Variants in MAP4K5 observed in about 807,000 individuals in gnomAD.
The protein encoded by MAP4K5 is mitogen-activated protein kinase kinase kinase kinase 5.
Under a neutral mutation model 135.6 loss-of-function variants are expected in MAP4K5, and 82 were observed. The ratio of observed to expected loss-of-function variants is 0.60; its 90% CI spans 0.51 to 0.73. MAP4K5 has a LOEUF of 0.73. Among genes scored for constraint, MAP4K5 ranks in the 30% least tolerant of loss-of-function variants. MAP4K5 has a pLI of 0.00. For missense variants in MAP4K5, 907 were observed against 1,010.9 expected, an observed-to-expected ratio of 0.90 and a Z score of 1.39; for synonymous variants, 347 against 335.0, an observed-to-expected ratio of 1.04 and a Z score of -0.39.
chr14:50,529,778 G>T (rs1015226072), intron 2 of MAP4K5, among the ~76,000 whole-genome samples: 1 of 152,116 alleles, frequency 6.6e-6, no homozygotes, highest in Non-Finnish European at 1.5e-5. Context: ...GAGACATTAC[G>T]AAGAGAGGAA....
intron 3 of MAP4K5, among the ~76,000 whole-genome samples, chr14:50,497,791 T>A (rs1277542064): frequency 6.6e-6 from 1 of 152,162 alleles, no homozygotes; most frequent in Non-Finnish European, 1.5e-5. Context: ...TATTAAAAAA[T>A]ACTAAACTAT....
In MAP4K5 at chr14:50,485,586, A is replaced by G. The variant is rs1454515327; in HGVS notation, c.314T>C (p.Ile105Thr). The G allele has an allele frequency of 7.8e-6, 12 of 1,544,044 alleles. No individual in the cohort carries two copies. The highest frequency in any genetic ancestry group is 8.8e-6 in the Non-Finnish European group (10 of 1,138,826). ...EYCGGGSLQDIYHVTGPLSEL... is the reference protein window; with the variant it reads ...EYCGGGSLQDTYHVTGPLSEL... Reference sequence around the variant, plus strand: ...AGTCAAATTAACAGTACCATGGTAAATATCTTGAAGTGATCCGCCACCACA... The same window carrying G: ...AGTCAAATTAACAGTACCATGGTAAGTATCTTGAAGTGATCCGCCACCACA... Residue 105 changes from isoleucine (I) to threonine (T), a missense_variant, in exon 5 of 33, where the codon ATT (isoleucine) becomes ACT (threonine). By Grantham distance (89) the Ile-to-Thr change is moderately conservative. Around this residue, in one of 3 missense-constraint regions of MAP4K5, gnomAD observed 196 missense variants for 189.3 expected, o/e 1.04. Coordinates refer to ENST00000682126, the MANE Select transcript of MAP4K5 (RefSeq NM_006575.6).
At chr14:50,506,335 A>C (rs2037809300) in intron 2 of MAP4K5, among the ~76,000 whole-genome samples, 1 of 152,098 alleles carries the variant, frequency 6.6e-6, no homozygotes, top group Non-Finnish European at 1.5e-5. Context: ...AAACAGAAAG[A>C]AAAATAATTT....
At chr14:50,551,693 A>T (rs575318445) in intron 1 of MAP4K5, among the ~76,000 whole-genome samples, 1 of 152,256 alleles carries the variant, frequency 6.6e-6, no homozygotes, top group Non-Finnish European at 1.5e-5. Flanking sequence ...AGTGGATTTC[A>T]TACCAGGGAT....
Position 50,444,039 on chromosome 14 carries a change from A to G in MAP4K5, c.1340-3T>C, listed in dbSNP as rs183004084. 10 of 1,583,916 alleles carry G rather than the reference A, an allele frequency of 6.3e-6. No individual in the cohort carries two copies. In the East Asian group the frequency reaches 1.4e-4, roughly 21 times the overall value. On this transcript the variant is annotated splice_polypyrimidine_tract_variant and splice_region_variant and intron_variant, in intron 18 of 32. Coordinates refer to ENST00000682126, the MANE Select transcript of MAP4K5 (RefSeq NM_006575.6). Reference sequence around the variant, plus strand: ...TTTTGAAATACCATCACCATTTCCTAAAGAGAATCATGTTAAAAGTTGAAT... The same window carrying G: ...TTTTGAAATACCATCACCATTTCCTGAAGAGAATCATGTTAAAAGTTGAAT...
chr14:50,464,089 T>C lies in MAP4K5; in HGVS notation c.782A>G (p.Asn261Ser), dbSNP rs754808379. Reference sequence around the variant, plus strand: ...TTCAGCAGTTGGTCTTTTTTTTGGGTTTTTGGTTAGTGCTATTTTGACAAA... The same window carrying C: ...TTCAGCAGTTGGTCTTTTTTTTGGGCTTTTGGTTAGTGCTATTTTGACAAA... ...HNFVKIALTK[N>S]PKKRPTAERL... The change falls in exon 12 of 33, where the codon AAC (asparagine) becomes AGC (serine). Residue 261 changes from asparagine (N) to serine (S), a missense_variant. By Grantham distance (46) the Asn-to-Ser change is conservative. Transcript: ENST00000682126. 3.2e-6 allele frequency: 5 copies of C among 1,546,726 alleles called. No individual in the cohort carries two copies. The highest frequency in any genetic ancestry group is 4.4e-6 in the Non-Finnish European group (5 of 1,142,240).
chr14:50,524,345 C>G (rs1020772626), intron 2 of MAP4K5, among the ~76,000 whole-genome samples: 1 of 152,080 alleles, frequency 6.6e-6, no homozygotes, highest in Admixed American at 6.5e-5. Context: ...CTTAATGAAC[C>G]CTTCCAACTC....
At chr14:50,450,920 C>A (rs1415195875) in intron 14 of MAP4K5, among the ~76,000 whole-genome samples, 2 of 152,126 alleles carry the variant, frequency 1.3e-5, no homozygotes, top group Non-Finnish European at 2.9e-5. Context: ...AAAATAGGAA[C>A]CATAACCAGT....
upstream of MAP4K5, chr14:50,533,047 ACCTT>A (rs768503655): frequency 5.3e-5 from 8 of 152,282 alleles, no homozygotes; most frequent in Non-Finnish European, 8.8e-5. Context: ...ACCCTACTGC[ACCTT>A]CCTGTTTTGC....
chr14:50,514,637 G>C (rs1316927000), intron 2 of MAP4K5, among the ~76,000 whole-genome samples: 2 of 152,152 alleles, frequency 1.3e-5, no homozygotes, highest in Non-Finnish European at 2.9e-5. Context: ...AAGCTTCCAG[G>C]AGAAAGTAAA....
intron 2 of MAP4K5, among the ~76,000 whole-genome samples, chr14:50,530,257 G>A (rs548480834): frequency 1.3e-5 from 2 of 152,226 alleles, no homozygotes; most frequent in East Asian, 3.9e-4. Context: ...AGGCACCAGG[G>A]TAAAAGGCAG....
At chr14:50,538,999 T>C (rs528013039) in intron 2 of MAP4K5, among the ~76,000 whole-genome samples, 1 of 152,330 alleles carries the variant, frequency 6.6e-6, no homozygotes, top group African/African-American at 2.4e-5. Flanking sequence ...TTTTTATAAA[T>C]GGTCCTTTTA....
chr14:50,437,287 T>A (rs1244500481), intron 26 of MAP4K5, among the ~76,000 whole-genome samples, 189 bp downstream of exon 26: 2 of 152,108 alleles, frequency 1.3e-5, no homozygotes, highest in Non-Finnish European at 2.9e-5. Context: ...AACGCTAAGG[T>A]TATTATCTCT....
chr14:50,476,252 A>G lies in MAP4K5; in HGVS notation c.426+7T>C. 1 of 1,501,066 alleles carries G rather than the reference A, an allele frequency of 6.7e-7. No homozygotes were observed. The highest frequency in any genetic ancestry group is 9.0e-7 in the Non-Finnish European group (1 of 1,114,658). 93.0% of individuals were successfully genotyped at this position (1,501,066 alleles called of 1,614,324 possible). A position where few individuals can be genotyped will look rare whatever the true frequency, so the allele number is the denominator to read the frequency against. On this transcript the variant is annotated splice_region_variant and intron_variant, in intron 7 of 32. Coordinates refer to ENST00000682126, the MANE Select transcript of MAP4K5 (RefSeq NM_006575.6). ...ATTGGCAATTTAAATGTATTAAATGAACTTACTTTGATATCTCTATGCATT... is the reference window on the plus strand; with the variant it reads ...ATTGGCAATTTAAATGTATTAAATGGACTTACTTTGATATCTCTATGCATT...
At chr14:50,511,446 T>A (rs190127239) in intron 2 of MAP4K5, among the ~76,000 whole-genome samples, 7 of 152,262 alleles carry the variant, frequency 4.6e-5, no homozygotes, top group Admixed American at 3.9e-4. Flanking sequence ...TTTGTTAAAG[T>A]ATACAAAACG....
intron 14 of MAP4K5, among the ~76,000 whole-genome samples, chr14:50,453,823 G>A (rs1370587805): frequency 1.3e-5 from 2 of 152,066 alleles, no homozygotes; most frequent in Non-Finnish European, 2.9e-5. Flanking sequence ...TCCCTTGTTT[G>A]ATGAAATCTT....
chr14:50,484,384 T>C (rs1026272330), intron 5 of MAP4K5, among the ~76,000 whole-genome samples: 3 of 152,220 alleles, frequency 2.0e-5, no homozygotes, highest in Non-Finnish European at 2.9e-5. Context: ...AATTAAGTAC[T>C]ATATTGATAA....
At chr14:50,540,592 A>G (rs2140144789) in intron 2 of MAP4K5, among the ~76,000 whole-genome samples, 1 of 152,322 alleles carries the variant, frequency 6.6e-6, no homozygotes, top group East Asian at 1.9e-4. Flanking sequence ...GTTAATTGAT[A>G]TTAGCTCTAA....
chr14:50,445,326 G>T, intron 17 of MAP4K5, 132 bp from the exon 18 acceptor site: 1 of 653,148 alleles, frequency 1.5e-6, no homozygotes. Flanking sequence ...CAAAGTAAGA[G>T]GTGAGTTACT....
Sources: allele counts gnomAD v4.1 joint callset (sites outside exome capture counted in the v4.1 genomes callset), GRCh38; gene constraint gnomAD v4.1.1; regional missense constraint gnomAD v4.1.1; transcripts MANE v1.5; gene names NCBI Gene and HGNC (gene_info 2026-07-23, HGNC 2026-07-21).